MAK: variants seen among roughly 807,000 people sequenced by gnomAD.
MAK encodes male germ cell associated kinase.
Under a neutral mutation model 82.6 loss-of-function variants are expected in MAK, and 65 were observed. The observed-to-expected ratio is 0.79, with a 90% confidence interval of 0.64 to 0.97. The LOEUF is 0.97. MAK is among the 50% of genes least tolerant of loss of function. The probability of loss-of-function intolerance (pLI) is 0.00; values close to 1 mark genes in which losing one functional copy is unlikely to be tolerated. For missense variants in MAK, 703 were observed against 780.2 expected (o/e 0.90, Z 1.18); for synonymous variants, 250 against 274.2 (o/e 0.91, Z 0.87).
intron 10 of MAK, chr6:10,784,812 C>A: frequency 1.5e-6 from 1 of 648,030 alleles, no homozygotes; most frequent in South Asian, 1.5e-5. Context: ...AACTGAGCAG[C>A]AATTTACTTG....
rs1772089597 is a variant in MAK at position 10,762,977 on chromosome 6, G to C, written c.*1475C>G. On this transcript the variant is annotated 3_prime_UTR_variant, in exon 15 of 15. Coordinates refer to ENST00000354489, the MANE Select transcript of MAK (RefSeq NM_001242957.3). ...CAAGATGACACTTATTACAATAGCA[G>C]TTGTTACAAAGTCACAAAATACATA... The C allele has an allele frequency of 6.6e-6, 1 of 152,546 alleles. No homozygotes were observed. The highest frequency in any genetic ancestry group is 1.5e-5 in the Non-Finnish European group (1 of 68,020). 9.4% of individuals were successfully genotyped at this position (152,546 alleles called of 1,614,324 possible). A position where few individuals can be genotyped will look rare whatever the true frequency, so the allele number is the denominator to read the frequency against.
chr6:10,803,667 A>C (rs1776185822), intron 7 of MAK, 53 bp downstream of exon 7: 2 of 1,467,756 alleles, frequency 1.4e-6, no homozygotes, highest in Admixed American at 3.4e-5. Flanking sequence ...AAAGCAAAGT[A>C]GCAAGATAGA....
intron 13 of MAK, 111 bp from the exon 14 acceptor site, chr6:10,770,341 A>G (rs765183866): frequency 1.3e-5 from 16 of 1,266,626 alleles, no homozygotes; most frequent in East Asian, 9.4e-5. Context: ...AGCATCTACT[A>G]TGTTTTAGGC....
chr6:10,783,833 A>C (rs1384567961), intron 11 of MAK, among the ~76,000 whole-genome samples: 1 of 152,176 alleles, frequency 6.6e-6, no homozygotes, highest in Non-Finnish European at 1.5e-5. Flanking sequence ...ATCCCGGCTA[A>C]CACGGTGAAA....
intron 5 of MAK, among the ~76,000 whole-genome samples, chr6:10,810,339 CTTTTTCTTTTT>C (rs1776826283): frequency 7.4e-6 from 1 of 135,972 alleles, no homozygotes; most frequent in African/African-American, 2.8e-5. Context: ...TTTCTTTTAT[CTTTTTCTTTTT>C]TTTTTTTTTT....
rs778599332 is a variant in MAK at position 10,778,561 on chromosome 6, C to T, written c.1466-3102G>A. ...ATGTGTTTTAAGGGGTGGGGAGGTG[C>T]GATCCTTGAAGAGGCAACAGTTTGG... On this transcript the variant is annotated intron_variant, in intron 11 of 14. Transcript: ENST00000354489. Among the ~76,000 whole-genome samples, 50 of 152,048 alleles carry T rather than the reference C, an allele frequency of 3.3e-4. No homozygotes were observed. The Middle Eastern group carries it at 0.014, about 41-fold the overall frequency.
At chr6:10,808,750 A>C in intron 6 of MAK, 60 bp downstream of exon 6, 2 of 1,519,446 alleles carry the variant, frequency 1.3e-6, no homozygotes, top group Non-Finnish European at 1.8e-6. Context: ...GTAACAATCC[A>C]TCGTAGGAAA....
chr6:10,782,174 T>C (rs1774039963), intron 11 of MAK, among the ~76,000 whole-genome samples: 1 of 150,578 alleles, frequency 6.6e-6, no homozygotes, highest in Non-Finnish European at 1.5e-5. Flanking sequence ...GCCACTACAC[T>C]CCAGCCTGGG....
Position 10,813,661 on chromosome 6 carries a change from G to GC in MAK, c.340dup (p.Ala114GlyfsTer5), listed in dbSNP as rs527236082. On this transcript the variant is annotated frameshift_variant, in exon 5 of 15. Transcript: ENST00000354489. LOFTEE classifies it high-confidence loss of function. ...AAACCTACCATGTTTATGGATAAAAGCCAGCCCTTGCAATATTTGATACAT... is the reference window on the plus strand; with the variant it reads ...AAACCTACCATGTTTATGGATAAAAGCCCAGCCCTTGCAATATTTGATACAT... The GC allele has an allele frequency of 5.0e-6, 8 of 1,599,042 alleles. 1 individual carries two copies. In the East Asian group the frequency reaches 1.8e-4, roughly 36 times the overall value.
Position 10,790,029 on chromosome 6 carries a change from C to A in MAK, c.1316+1646G>T, listed in dbSNP as rs562548707. On this transcript the variant is annotated intron_variant, in intron 10 of 14. Coordinates refer to ENST00000354489, the MANE Select transcript of MAK (RefSeq NM_001242957.3). Reference sequence around the variant, plus strand: ...GTGAAACTGCAGATTCAGGGGACTACTGTACCCAATTTCTGTAAGACAAGA... The same window carrying A: ...GTGAAACTGCAGATTCAGGGGACTAATGTACCCAATTTCTGTAAGACAAGA... Among the ~76,000 whole-genome samples the A allele has an allele frequency of 5.9e-5, 9 of 152,308 alleles. No individual in the cohort carries two copies. The East Asian group carries it at 1.7e-3, about 29-fold the overall frequency.
At chr6:10,782,216 A>T (rs1363511027) in intron 11 of MAK, among the ~76,000 whole-genome samples, 6 of 13,490 alleles carry the variant, frequency 4.4e-4, no homozygotes, top group South Asian at 3.1e-3. Context: ...ACACACACAC[A>T]CACACACACA....
In MAK at chr6:10,765,440, ATTTTTTTTTTTTTTTTTTTT is replaced by A. The variant is rs200536068; in HGVS notation, c.1793-854_1793-835del. Among the ~76,000 whole-genome samples the A allele has an allele frequency of 7.1e-3, 933 of 130,630 alleles. 19 individuals carry two copies. The highest frequency in any genetic ancestry group is 0.029 in the African/African-American group (877 of 30,044). 85.7% of individuals were successfully genotyped at this position (130,630 alleles called of 152,430 possible). A position where few individuals can be genotyped will look rare whatever the true frequency, so the allele number is the denominator to read the frequency against. Reference sequence around the variant, plus strand: ...TTAAAATGTGGGTTTTAGAATGAAGATTTTTTTTTTTTTTTTTTTTTTTTTTTTTTTTTAATGAGGCAGAG... The same window carrying A: ...TTAAAATGTGGGTTTTAGAATGAAGATTTTTTTTTTTTTAATGAGGCAGAG... On this transcript the variant is annotated intron_variant, in intron 14 of 14. Coordinates refer to ENST00000354489, the MANE Select transcript of MAK (RefSeq NM_001242957.3).
intron 1 of MAK, among the ~76,000 whole-genome samples, chr6:10,832,612 T>G (rs1212359529): frequency 2.6e-5 from 4 of 152,054 alleles, no homozygotes; most frequent in African/African-American, 4.8e-5. Flanking sequence ...TTTTTTTTTT[T>G]GACAGCCTCC....
intron 13 of MAK, among the ~76,000 whole-genome samples, chr6:10,770,799 G>A (rs1210394929): frequency 1.3e-5 from 2 of 152,114 alleles, no homozygotes; most frequent in African/African-American, 2.4e-5. Context: ...TCAATCTGGC[G>A]TTAGCATAGG....
intron 2 of MAK, among the ~76,000 whole-genome samples, chr6:10,827,265 G>A (rs572518983): frequency 1.3e-5 from 2 of 152,164 alleles, no homozygotes; most frequent in African/African-American, 4.8e-5. Flanking sequence ...CTTCTGATTC[G>A]CCTACCCTCC....
intron 2 of MAK, among the ~76,000 whole-genome samples, chr6:10,825,336 A>G (rs1392843432): frequency 6.6e-6 from 1 of 152,088 alleles, no homozygotes; most frequent in Non-Finnish European, 1.5e-5. Context: ...CTGCTTCTTT[A>G]GATCTTTCCC....
rs1491192446 is a variant in MAK at position 10,830,156 on chromosome 6, T to TGC, written c.101+390_101+391dup. ...GTGTGTGTGTGTGTGTGTGTGTGTGTGCGTGTGCACGTATATATATATATT... is the reference window on the plus strand; with the variant it reads ...GTGTGTGTGTGTGTGTGTGTGTGTGTGCGCGTGTGCACGTATATATATATATT... On this transcript the variant is annotated intron_variant, in intron 2 of 14. Transcript: ENST00000354489. Among the ~76,000 whole-genome samples the TGC allele has an allele frequency of 5.7e-3, 766 of 134,136 alleles. 9 individuals are homozygous for TGC. Among genetic ancestry groups the TGC allele is most frequent in the African/African-American group, 0.018 (660 of 36,298 alleles). 88.0% of individuals were successfully genotyped at this position (134,136 alleles called of 152,430 possible). A position where few individuals can be genotyped will look rare whatever the true frequency, so the allele number is the denominator to read the frequency against.
chr6:10,801,754 G>C (rs1016485191), intron 8 of MAK, 138 bp downstream of exon 8: 1 of 726,254 alleles, frequency 1.4e-6, no homozygotes, highest in Non-Finnish European at 2.4e-6. Context: ...TATTACATAC[G>C]CTGGATGCCT....
At chr6:10,822,061 G>A (rs1261293612) in intron 2 of MAK, among the ~76,000 whole-genome samples, 2 of 149,312 alleles carry the variant, frequency 1.3e-5, no homozygotes, top group Admixed American at 6.7e-5. Flanking sequence ...GCAGGAGAAT[G>A]GCGTGAACTC....
Sources: gnomAD v4.1 joint callset for allele counts (sites outside exome capture counted in the v4.1 genomes callset) on GRCh38, gnomAD v4.1.1 for gene constraint, MANE v1.5 for transcripts, NCBI Gene and HGNC (gene_info 2026-07-23, HGNC 2026-07-21) for gene names.